DMGDH: variants seen among roughly 807,000 people sequenced by gnomAD.
The protein encoded by DMGDH is dimethylglycine dehydrogenase, mitochondrial.
A neutral mutation model predicts 95.2 loss-of-function variants in DMGDH; 76 were observed. The observed-to-expected ratio is 0.80, with a 90% CI of 0.66 to 0.97. DMGDH has a LOEUF of 0.97. DMGDH is among the 50% of genes least tolerant of loss of function. The pLI, the probability that DMGDH is intolerant of heterozygous loss-of-function variation, is 0.00. For synonymous variants in DMGDH, 345 were observed against 377.6 expected (o/e 0.91, Z 1.00); for missense variants, 987 against 1,055.0 (o/e 0.94, Z 0.89).
At chr5:79,023,898 C>T (rs569129167) in intron 14 of DMGDH, among the ~76,000 whole-genome samples, 24 of 152,336 alleles carry the variant, frequency 1.6e-4, no homozygotes, top group African/African-American at 5.3e-4. Flanking sequence ...TATGTTTGAT[C>T]AGCTAATGTG....
At chr5:79,036,210 C>G (rs546886736) in intron 7 of DMGDH, among the ~76,000 whole-genome samples, 1 of 152,064 alleles carries the variant, frequency 6.6e-6, no homozygotes, top group East Asian at 1.9e-4. Context: ...GCTATTGGGC[C>G]CTTGTATGAC....
intron 14 of DMGDH, among the ~76,000 whole-genome samples, chr5:79,011,413 C>T (rs895557641): frequency 1.9e-4 from 29 of 152,194 alleles, no homozygotes; most frequent in Admixed American, 1.8e-3. Flanking sequence ...TAACATTCCA[C>T]ATAAGTTAAC....
At position 79,051,353 on chromosome 5, in the gene DMGDH, C is replaced by T. The variant is rs1485115263; in HGVS notation, c.679G>A (p.Asp227Asn). 1.2e-6 allele frequency: 2 copies of T among 1,614,214 alleles called. No individual in the cohort carries two copies. Among genetic ancestry groups the T allele is most frequent in the Non-Finnish European group, 1.7e-6 (2 of 1,180,034 alleles). ...APVTSLKARS[D>N]GTWDVETPQG... ...GGTGTTTCAACGTCCCATGTTCCAT[C>T]TGACCTGGCTTTCAGAGAAGTTACT... is the stretch of plus-strand genomic sequence containing the variant. The change falls in exon 5 of 16, where the codon GAT becomes AAT. Residue 227 changes from aspartate (D) to asparagine (N), a missense_variant. Transcript: ENST00000255189.
intron 14 of DMGDH, among the ~76,000 whole-genome samples, chr5:79,015,871 T>C (rs1262176705): frequency 6.6e-6 from 1 of 152,156 alleles, no homozygotes; most frequent in African/African-American, 2.4e-5. Flanking sequence ...ATAAACCATA[T>C]AACAAAGTAA....
intron 6 of DMGDH, 131 bp from the exon 7 acceptor site, chr5:79,042,612 G>T: frequency 1.2e-6 from 1 of 825,962 alleles, no homozygotes; most frequent in South Asian, 1.4e-5. Flanking sequence ...TTTTGTTAAA[G>T]TCTAAATTTC....
chr5:79,016,355 C>A (rs372245409), intron 14 of DMGDH, among the ~76,000 whole-genome samples: 2 of 152,182 alleles, frequency 1.3e-5, no homozygotes. Flanking sequence ...ATGGAATCTA[C>A]AAAAATGCTA....
intron 5 of DMGDH, among the ~76,000 whole-genome samples, chr5:79,048,768 TAC>T (rs35837828): frequency 2.2e-3 from 322 of 146,856 alleles, no homozygotes; most frequent in African/African-American, 5.6e-3. Flanking sequence ...AAAACACACA[TAC>T]ACACACACAC....
intron 14 of DMGDH, among the ~76,000 whole-genome samples, chr5:79,021,960 TG>T (rs1753878737): frequency 1.3e-5 from 2 of 152,094 alleles, no homozygotes; most frequent in Admixed American, 1.3e-4. Flanking sequence ...CTGCTTCAGA[TG>T]GGGGAGGGGA....
intron 14 of DMGDH, among the ~76,000 whole-genome samples, chr5:79,007,423 G>C (rs1041917488): frequency 1.3e-5 from 2 of 152,066 alleles, no homozygotes; most frequent in Non-Finnish European, 2.9e-5. Context: ...ATATGTGGGG[G>C]TTCTGGAACC....
At chr5:79,047,395 C>A (rs1300782232) in intron 5 of DMGDH, among the ~76,000 whole-genome samples, 1 of 152,038 alleles carries the variant, frequency 6.6e-6, no homozygotes, top group Admixed American at 6.6e-5. Context: ...GAGTATCAGG[C>A]AAAATTAAGC....
rs115421826 is a variant in DMGDH at position 79,003,608 on chromosome 5, T to G, written c.2385+1665A>C. 5.2e-3 allele frequency among the ~76,000 whole-genome samples: 794 copies of G among 152,318 alleles called. 14 individuals carry two copies. Among genetic ancestry groups the G allele is most frequent in the African/African-American group, 0.018 (759 of 41,568 alleles). On this transcript the variant is annotated intron_variant, in intron 15 of 15. Transcript: ENST00000255189. Reference sequence around the variant, plus strand: ...AAAAGTCAGTTGGCTTCACAGGCTCTAATAACATCCACCTGATACTCAGAT... The same window carrying G: ...AAAAGTCAGTTGGCTTCACAGGCTCGAATAACATCCACCTGATACTCAGAT...
intron 2 of DMGDH, among the ~76,000 whole-genome samples, chr5:79,063,387 T>C (rs1016491867): frequency 1.3e-5 from 2 of 152,092 alleles, no homozygotes; most frequent in African/African-American, 4.8e-5. Flanking sequence ...GGGTAGAAAA[T>C]TGCAAAGCCA....
chr5:79,028,114 A>T (rs1406332640), intron 12 of DMGDH, among the ~76,000 whole-genome samples: 2 of 151,572 alleles, frequency 1.3e-5, no homozygotes, highest in Non-Finnish European at 2.9e-5. Flanking sequence ...TGCTGGGATT[A>T]CAGGTGTGAG....
intron 1 of DMGDH, among the ~76,000 whole-genome samples, chr5:79,066,095 A>G (rs1410276244): frequency 1.3e-5 from 2 of 152,232 alleles, no homozygotes; most frequent in Non-Finnish European, 2.9e-5. Flanking sequence ...GAAATTTAAC[A>G]TTGATATACT....
chr5:79,044,834 C>CA (rs983147658), intron 5 of DMGDH, among the ~76,000 whole-genome samples: 4 of 151,800 alleles, frequency 2.6e-5, no homozygotes, highest in African/African-American at 4.8e-5. Context: ...AGGAAAAAAA[C>CA]AAAAAAATTT....
chr5:79,028,593 A>G lies in DMGDH; in HGVS notation c.1872T>C (p.Thr624=), dbSNP rs746453903. The part of the protein sequence containing the change: ...GGYDVEIKNI[T]DELGVLGVAG... ...CAACTCCAAGAACTCCAAGCTCATC[A>G]GTTATGTTTTTAATTTCAACATCAT... is the stretch of plus-strand genomic sequence containing the variant. The change falls in exon 12 of 16, where the codon ACT becomes ACC. Residue 624 remains threonine, a synonymous_variant. Coordinates refer to ENST00000255189, the MANE Select transcript of DMGDH (RefSeq NM_013391.3). 3 of 1,614,142 alleles carry G rather than the reference A, an allele frequency of 1.9e-6. No individual in the cohort carries two copies. The highest frequency in any genetic ancestry group is 2.2e-5 in the East Asian group (1 of 44,880).
At chr5:79,035,008 G>T (rs559506612) in intron 7 of DMGDH, among the ~76,000 whole-genome samples, 97 of 134,206 alleles carry the variant, frequency 7.2e-4, no homozygotes, top group African/African-American at 2.6e-3. Context: ...AGTGAGCCGA[G>T]ATCGCGCCAC....
At chr5:79,066,876 T>C (rs1264520276) in intron 1 of DMGDH, among the ~76,000 whole-genome samples, 2 of 152,190 alleles carry the variant, frequency 1.3e-5, no homozygotes, top group African/African-American at 4.8e-5. Flanking sequence ...TTTGAGACCA[T>C]GTAAATATCC....
rs1267976576 is a variant in DMGDH, at chr5:79,056,036, G to T, written c.277-128C>A. 4.4e-6 allele frequency: 3 copies of T among 689,648 alleles called. No individual in the cohort carries two copies. The African/African-American group carries it at 5.3e-5, about 12-fold the overall frequency. 42.7% of individuals were successfully genotyped at this position (689,648 alleles called of 1,614,324 possible). A position where few individuals can be genotyped will look rare whatever the true frequency, so the allele number is the denominator to read the frequency against. ...GAAGCACCAGCCAGTCCTTTGGGAT[G>T]AGAACACATCAGCACCAGTTTGAGC... On this transcript the variant is annotated intron_variant, in intron 2 of 15. Transcript: ENST00000255189.
Sources: allele counts gnomAD v4.1 joint callset (sites outside exome capture counted in the v4.1 genomes callset), GRCh38; gene constraint gnomAD v4.1.1; transcripts MANE v1.5; gene names NCBI Gene and HGNC (gene_info 2026-07-23, HGNC 2026-07-21).